DENND2B: variants seen among roughly 807,000 people sequenced by gnomAD.
The protein encoded by DENND2B is DENN domain containing 2B.
A neutral mutation model predicts 116.0 loss-of-function variants in DENND2B; 32 were observed. The ratio of observed to expected loss-of-function variants is 0.28; its 90% CI spans 0.21 to 0.37. The LOEUF (loss-of-function observed/expected upper bound fraction) is 0.37. Among genes scored for constraint, DENND2B ranks in the 10% least tolerant of loss-of-function variants. The probability of loss-of-function intolerance (pLI) is 1.00; values close to 1 mark genes in which losing one functional copy is unlikely to be tolerated. For synonymous variants in DENND2B, 588 were observed against 583.9 expected (o/e 1.01, Z -0.10); for missense variants, 1,276 against 1,477.7 (o/e 0.86, Z 2.24).
intron 1 of DENND2B, chr11:8,768,910 G>C (rs1330947766): frequency 2.0e-5 from 3 of 152,226 alleles, no homozygotes; most frequent in Non-Finnish European, 4.4e-5. Flanking sequence ...TAGGGGTTCT[G>C]TTCAGTGACC....
In DENND2B at chr11:8,693,836, C is replaced by T. The variant is rs907348828; in HGVS notation, c.*260G>A. ...AAACTTCATCCATGCTCTGGCAGGACAGGAAAGCACCCGGCCCCTTGGGAA... is the reference window on the plus strand; with the variant it reads ...AAACTTCATCCATGCTCTGGCAGGATAGGAAAGCACCCGGCCCCTTGGGAA... On this transcript the variant is annotated 3_prime_UTR_variant, in exon 20 of 20. Coordinates refer to ENST00000313726, the MANE Select transcript of DENND2B (RefSeq NM_213618.2). 5.2e-6 allele frequency: 2 copies of T among 382,838 alleles called. No individual in the cohort carries two copies. Among genetic ancestry groups the T allele is most frequent in the Non-Finnish European group, 9.4e-6 (2 of 212,254 alleles). 23.7% of individuals were successfully genotyped at this position (382,838 alleles called of 1,614,324 possible).
chr11:8,707,531 G>A lies in DENND2B; in HGVS notation c.2430+246C>T, dbSNP rs549457344. Among the ~76,000 whole-genome samples, 2 of 152,360 alleles carry A rather than the reference G, an allele frequency of 1.3e-5. No homozygotes were observed. The highest frequency in any genetic ancestry group is 4.1e-4 in the South Asian group (2 of 4,830). On this transcript the variant is annotated intron_variant, in intron 12 of 19. Transcript: ENST00000313726. The surrounding 1 kb of genome is among the most constrained non-coding windows in gnomAD (Gnocchi z 4.8). ...CCCAAGGACTCTGGCTCTGCCTAGGGCCCAGGGTGGGCTGTGACAGGGGCA... is the reference window on the plus strand; with the variant it reads ...CCCAAGGACTCTGGCTCTGCCTAGGACCCAGGGTGGGCTGTGACAGGGGCA...
rs978654813 is a variant in DENND2B, at chr11:8,695,560, G to A, written c.3293-11C>T. On this transcript the variant is annotated splice_polypyrimidine_tract_variant and intron_variant, in intron 18 of 19. Transcript: ENST00000313726. ...GCTGCTCAAAAAGGCCTGGGTAAAA[G>A]AAACAGGCACAGGGAAGAGAACAGT... The A allele has an allele frequency of 7.4e-6, 12 of 1,612,874 alleles. No individual in the cohort carries two copies. The Admixed American group carries it at 1.3e-4, about 18-fold the overall frequency.
At position 8,845,297 on chromosome 11, in the gene DENND2B, G is replaced by A. The variant is rs138413414; in HGVS notation, c.-155-5947C>T. On this transcript the variant is annotated intron_variant, in intron 3 of 6. Transcript: ENST00000524757. ...CATACTACCCTGAATGTGCCATCTC[G>A]TCTGATCTCAAAAGCTAAGCAGGGT... 3.9e-5 allele frequency: 6 copies of A among 152,240 alleles called. No individual in the cohort carries two copies. In the East Asian group the frequency reaches 7.7e-4, roughly 20 times the overall value. The allele number at this position is 152,240 out of a possible 1,614,324, so 9.4% of individuals were successfully genotyped here.
At chr11:8,714,217 T>A (rs891881351) in intron 7 of DENND2B, among the ~76,000 whole-genome samples, 175 bp from the exon 8 acceptor site, 6 of 152,198 alleles carry the variant, frequency 3.9e-5, no homozygotes, top group African/African-American at 1.4e-4. Context: ...CCAGGCTCCT[T>A]CAGAGCTCAC....
At chr11:8,817,859 C>A (rs368882989) in intron 4 of DENND2B, among the ~76,000 whole-genome samples, 26 of 152,138 alleles carry the variant, frequency 1.7e-4, no homozygotes, top group African/African-American at 6.0e-4. Flanking sequence ...CTTATTAAGT[C>A]GGAGCATGTT....
intron 18 of DENND2B, chr11:8,696,018 A>G (rs903558350): frequency 3.9e-6 from 1 of 253,806 alleles, no homozygotes; most frequent in Non-Finnish European, 7.6e-6. Flanking sequence ...TCTGCCTTAA[A>G]TGAAGACTGC....
chr11:8,744,665 G>C (rs1385867590), intron 2 of DENND2B, among the ~76,000 whole-genome samples: 1 of 152,130 alleles, frequency 6.6e-6, no homozygotes, highest in Non-Finnish European at 1.5e-5. Context: ...TCAACACCTA[G>C]TCAAAGAATT....
chr11:8,847,242 A>G (rs1369495167), intron 3 of DENND2B, among the ~76,000 whole-genome samples: 1 of 152,170 alleles, frequency 6.6e-6, no homozygotes, highest in East Asian at 1.9e-4. Context: ...CCATCATGGG[A>G]GGCTCTCCCT....
intron 1 of DENND2B, among the ~76,000 whole-genome samples, chr11:8,897,604 C>A (rs2064119001): frequency 6.6e-6 from 1 of 152,078 alleles, no homozygotes; most frequent in Non-Finnish European, 1.5e-5. Context: ...ATAGGCAGAT[C>A]TAGGGAAAAA....
intron 1 of DENND2B, among the ~76,000 whole-genome samples, chr11:8,777,800 T>C (rs759916626): frequency 8.5e-5 from 13 of 152,228 alleles, no homozygotes; most frequent in African/African-American, 1.7e-4. Context: ...TCCCTACTTA[T>C]ATTTCCAGCA....
chr11:8,765,913 C>A (rs999950302), intron 1 of DENND2B, among the ~76,000 whole-genome samples: 3 of 152,054 alleles, frequency 2.0e-5, no homozygotes, highest in African/African-American at 7.2e-5. Flanking sequence ...GTGGTGCCTG[C>A]CTGTAGTCCC....
intron 3 of DENND2B, among the ~76,000 whole-genome samples, chr11:8,852,585 A>T (rs897047106): frequency 1.3e-5 from 2 of 152,274 alleles, no homozygotes; most frequent in Non-Finnish European, 2.9e-5. Context: ...ACCTTCTGAG[A>T]TGCCAGAAAT....
Position 8,712,529 on chromosome 11 carries a change from G to A in DENND2B, c.2172+22C>T, listed in dbSNP as rs767005163. 1.9e-6 allele frequency: 3 copies of A among 1,547,222 alleles called. No individual in the cohort carries two copies. Among genetic ancestry groups the A allele is most frequent in the Non-Finnish European group, 2.6e-6 (3 of 1,143,676 alleles). On this transcript the variant is annotated intron_variant, in intron 9 of 19. Coordinates refer to ENST00000313726, the MANE Select transcript of DENND2B (RefSeq NM_213618.2). This position sits in a 1 kb window ranked among gnomAD's most constrained non-coding sequence, Gnocchi z 4.4. ...ATGGAAGAGGGGGAATATGGGCAAG[G>A]TGGGGAGAGAGAAGGCCTCACCTTG...
intron 3 of DENND2B, among the ~76,000 whole-genome samples, chr11:8,843,851 C>T (rs1566042767): frequency 2.0e-5 from 3 of 152,182 alleles, no homozygotes; most frequent in African/African-American, 2.4e-5. Context: ...CTCCAACAGT[C>T]CCTCAAGATG....
Position 8,731,163 on chromosome 11 carries a change from G to A in DENND2B, c.127C>T (p.Pro43Ser), listed in dbSNP as rs2048071396. The A allele has an allele frequency of 6.4e-7, 1 of 1,551,100 alleles. No homozygotes were observed. ...TCACTATCACTGAGCGGGTAGATGG[G>A]ACTCCTTGGTGGGGAGAGAACTGGA... ...PPPVLSPPRS[P>S]IYPLSDSETS... Residue 43 changes from proline to serine, a missense_variant, in exon 3 of 20, where the codon CCC (proline) becomes TCC (serine). By Grantham distance (74) the Pro-to-Ser change is moderately conservative. Coordinates refer to ENST00000313726, the MANE Select transcript of DENND2B (RefSeq NM_213618.2).
intron 2 of DENND2B, among the ~76,000 whole-genome samples, chr11:8,868,254 T>G (rs2063654072): frequency 2.0e-5 from 3 of 152,260 alleles, no homozygotes; most frequent in Admixed American, 1.3e-4. Flanking sequence ...CATTTCCTTT[T>G]TGAACCTCCT....
Position 8,739,597 on chromosome 11 carries a change from G to C in DENND2B, c.81-8388C>G, listed in dbSNP as rs2049823181. On this transcript the variant is annotated intron_variant, in intron 2 of 19. Transcript: ENST00000313726. ...TTCTACAATCCCAGAGTATGCCCCT[G>C]GGAGGCAGACACTGTAGAACTGGGC... 2.0e-5 allele frequency among the ~76,000 whole-genome samples: 3 copies of C among 152,240 alleles called. No homozygotes were observed. The South Asian group carries it at 6.2e-4, about 31-fold the overall frequency.
chr11:8,869,551 AC>A (rs1251421529), intron 2 of DENND2B, among the ~76,000 whole-genome samples: 1 of 151,418 alleles, frequency 6.6e-6, no homozygotes, highest in Admixed American at 6.6e-5. Context: ...AATCCCAGCT[AC>A]TCGGGAGGCT....
Sources: allele counts gnomAD v4.1 joint callset (sites outside exome capture counted in the v4.1 genomes callset), GRCh38; gene constraint gnomAD v4.1.1; non-coding constraint Gnocchi (gnomAD v3.1); transcripts MANE v1.5; gene names NCBI Gene and HGNC (gene_info 2026-07-23, HGNC 2026-07-21).